The following PARG variants were observed in gnomAD, a reference collection of about 807,000 sequenced individuals.
PARG encodes poly(ADP-ribose) glycohydrolase.
PARG carries 35 observed loss-of-function variants against 113.0 expected under a neutral mutation model. That is an observed-to-expected ratio of 0.31 (90% CI 0.24 to 0.41). The LOEUF is 0.41. Among genes scored for constraint, PARG ranks in the 10% least tolerant of loss-of-function variants. The pLI, the probability that PARG is intolerant of heterozygous loss-of-function variation, is 1.00. For synonymous variants in PARG, 330 were observed against 409.9 expected (o/e 0.81, Z 2.36); for missense variants, 797 against 1,169.4 (o/e 0.68, Z 4.64).
At chr10:49,937,797 GA>G (rs1838825717) in intron 1 of PARG, among the ~76,000 whole-genome samples, 8 of 152,182 alleles carry the variant, frequency 5.3e-5, no homozygotes, top group Non-Finnish European at 1.2e-4. Flanking sequence ...GGGAAGGGAT[GA>G]AGGAGGAAAA....
chr10:49,882,251 G>A (rs1847251078), intron 8 of PARG, among the ~76,000 whole-genome samples: 2 of 150,462 alleles, frequency 1.3e-5, no homozygotes, highest in Admixed American at 6.6e-5. Flanking sequence ...GCTGGTTACT[G>A]TGAACCAAGA....
intron 7 of PARG, among the ~76,000 whole-genome samples, chr10:49,898,958 C>A (rs566041916): frequency 1.3e-5 from 2 of 152,298 alleles, no homozygotes; most frequent in East Asian, 3.9e-4. Flanking sequence ...CTAGCCCTTA[C>A]TAGAAGCTCC....
chr10:49,835,594 C>G (rs1197633224), intron 15 of PARG, among the ~76,000 whole-genome samples: 1 of 151,660 alleles, frequency 6.6e-6, no homozygotes, highest in East Asian at 1.9e-4. Flanking sequence ...AACTAGAGAC[C>G]AACCAGGACA....
chr10:49,835,987 T>C (rs545172172), intron 15 of PARG, among the ~76,000 whole-genome samples: 1 of 152,282 alleles, frequency 6.6e-6, no homozygotes, highest in South Asian at 2.1e-4. Context: ...TCGACTGGTT[T>C]GTAGTCTAGG....
intron 8 of PARG, among the ~76,000 whole-genome samples, 176 bp downstream of exon 8, chr10:49,885,027 T>C (rs1847399406): frequency 6.6e-6 from 1 of 151,098 alleles, no homozygotes; most frequent in Admixed American, 6.6e-5. Context: ...AAAATTACTA[T>C]ACTCTTTGGC....
chr10:49,885,814 C>T (rs1276174551), intron 7 of PARG, among the ~76,000 whole-genome samples: 1 of 152,152 alleles, frequency 6.6e-6, no homozygotes, highest in East Asian at 1.9e-4. Flanking sequence ...TTCTGATGGT[C>T]TTAGAATTTC....
intron 13 of PARG, among the ~76,000 whole-genome samples, chr10:49,846,401 G>A (rs1674073255): frequency 1.3e-5 from 2 of 150,992 alleles, no homozygotes; most frequent in South Asian, 4.2e-4. Context: ...TCTTGATAGG[G>A]GTGTGGGATA....
At chr10:49,941,287 C>G (rs1223561899) in intron 1 of PARG, among the ~76,000 whole-genome samples, 1 of 152,124 alleles carries the variant, frequency 6.6e-6, no homozygotes, top group Non-Finnish European at 1.5e-5. Flanking sequence ...TGCCATTTTC[C>G]GCCCTGTGAG....
At position 49,830,316 on chromosome 10, in the gene PARG, ATCAAT is replaced by A. The variant is rs1844595098; in HGVS notation, c.2647+2482_2647+2486del. Among the ~76,000 whole-genome samples, 5 of 152,238 alleles carry A rather than the reference ATCAAT, an allele frequency of 3.3e-5. No homozygotes were observed. In the South Asian group the frequency reaches 1.0e-3, roughly 31 times the overall value. ...ACAGGAAAAAAGTATCTGTCGTAAG[ATCAAT>A]AAGCCCAGAGTGAAAAATAGGTTTC... On this transcript the variant is annotated intron_variant, in intron 16 of 17. Coordinates refer to ENST00000616448, the MANE Select transcript of PARG (RefSeq NM_003631.5).
At position 49,819,198 on chromosome 10, in the gene PARG, G is replaced by A. The variant is rs947298477; in HGVS notation, c.*142C>T. On this transcript the variant is annotated 3_prime_UTR_variant, in exon 18 of 18. Transcript: ENST00000616448. ...TGTACCAACTGACAACTGCACATGT[G>A]TGGAAGAGATTGCGTCCTTGACTAC... The A allele has an allele frequency of 4.7e-6, 3 of 644,620 alleles. No homozygotes were observed. In the African/African-American group the frequency reaches 5.5e-5, roughly 12 times the overall value. The allele number at this position is 644,620 out of a possible 1,614,324, so 39.9% of individuals were successfully genotyped here.
Position 49,819,509 on chromosome 10 carries a change from G to T in PARG, c.2777-15C>A. ...ATACACATCTCCTGGAGAGCAAAAG[G>T]TCAGACCAGAGGCACATTAAAGTAT... On this transcript the variant is annotated splice_polypyrimidine_tract_variant and intron_variant, in intron 17 of 17. Coordinates refer to ENST00000616448, the MANE Select transcript of PARG (RefSeq NM_003631.5). 1 of 1,546,052 alleles carries T rather than the reference G, an allele frequency of 6.5e-7. No homozygotes were observed. The highest frequency in any genetic ancestry group is 1.2e-5 in the South Asian group (1 of 83,830).
chr10:49,925,759 G>A (rs1461842025), intron 4 of PARG, among the ~76,000 whole-genome samples: 1 of 152,240 alleles, frequency 6.6e-6, no homozygotes, highest in Non-Finnish European at 1.5e-5. Context: ...CCTGCCAGGA[G>A]TGCCCTCAAG....
chr10:49,832,553 C>T (rs1232880222), intron 16 of PARG, among the ~76,000 whole-genome samples: 1 of 152,140 alleles, frequency 6.6e-6, no homozygotes, highest in Non-Finnish European at 1.5e-5. Context: ...TCTCCTCCTG[C>T]CAATCTTTCA....
intron 15 of PARG, among the ~76,000 whole-genome samples, chr10:49,837,120 C>T (rs571043787): frequency 1.3e-5 from 2 of 152,138 alleles, no homozygotes; most frequent in Non-Finnish European, 2.9e-5. Flanking sequence ...CTGGTCCCCC[C>T]CTTTAAAAAC....
chr10:49,854,710 C>T (rs1202796644), intron 13 of PARG, among the ~76,000 whole-genome samples: 2 of 133,682 alleles, frequency 1.5e-5, no homozygotes, highest in African/African-American at 2.9e-5. Flanking sequence ...TATTAGACTT[C>T]ATTGAGACTT....
At chr10:49,940,082 G>C (rs1221025476) in intron 1 of PARG, among the ~76,000 whole-genome samples, 7 of 152,152 alleles carry the variant, frequency 4.6e-5, no homozygotes, top group African/African-American at 1.7e-4. Context: ...TATGCCCATA[G>C]CATCCATTAT....
chr10:49,928,857 T>C (rs1554851342), intron 4 of PARG, among the ~76,000 whole-genome samples: 1 of 152,226 alleles, frequency 6.6e-6, no homozygotes, highest in Non-Finnish European at 1.5e-5. Context: ...ATCTTAATAA[T>C]GTAACTAAAC....
At chr10:49,866,748 C>G (rs1383985128) in intron 10 of PARG, among the ~76,000 whole-genome samples, 1 of 152,104 alleles carries the variant, frequency 6.6e-6, no homozygotes, top group Non-Finnish European at 1.5e-5. Flanking sequence ...CGTAACAAGG[C>G]AACTTTCATC....
At chr10:49,870,298 T>C (rs1373698412) in intron 9 of PARG, among the ~76,000 whole-genome samples, 14 of 150,990 alleles carry the variant, frequency 9.3e-5, no homozygotes. Flanking sequence ...AGCCAACCTA[T>C]AAGCCAGGAA....
Sources: allele counts gnomAD v4.1 joint callset (sites outside exome capture counted in the v4.1 genomes callset), GRCh38; gene constraint gnomAD v4.1.1; transcripts MANE v1.5; gene names NCBI Gene and HGNC (gene_info 2026-07-23, HGNC 2026-07-21).